CCSER1: variants seen among roughly 807,000 people sequenced by gnomAD.
CCSER1 encodes coiled-coil serine rich protein 1, also known as serine-rich coiled-coil domain-containing protein 1.
A neutral mutation model predicts 82.0 loss-of-function variants in CCSER1; 41 were observed. That is an observed-to-expected ratio of 0.50 (90% CI 0.39 to 0.65). CCSER1 has a LOEUF of 0.65. CCSER1 is among the 30% of genes least tolerant of loss of function. CCSER1 has a pLI of 0.00. For missense variants in CCSER1, 1,119 were observed against 1,064.2 expected, an observed-to-expected ratio of 1.05 and a Z score of -0.72; for synonymous variants, 414 against 383.9, an observed-to-expected ratio of 1.08 and a Z score of -0.92.
At chr4:90,623,768 A>G (rs569237085) in intron 5 of CCSER1, among the ~76,000 whole-genome samples, 56 of 152,234 alleles carry the variant, frequency 3.7e-4, no homozygotes, top group Admixed American at 1.4e-3. Context: ...ACACTCTCAG[A>G]CAGACAATAT....
chr4:90,543,661 T>C (rs1195514449), intron 5 of CCSER1, among the ~76,000 whole-genome samples: 1 of 152,148 alleles, frequency 6.6e-6, no homozygotes, highest in Non-Finnish European at 1.5e-5. Context: ...TTATCAGGCA[T>C]AGAGTGAAAT....
chr4:91,054,173 A>C (rs1320651581), intron 9 of CCSER1, among the ~76,000 whole-genome samples: 2 of 152,040 alleles, frequency 1.3e-5, no homozygotes, highest in African/African-American at 4.8e-5. Flanking sequence ...TGCCAGCTAT[A>C]CTCTGCCACT....
At chr4:91,072,785 A>C (rs1721569084) in intron 9 of CCSER1, among the ~76,000 whole-genome samples, 1 of 152,130 alleles carries the variant, frequency 6.6e-6, no homozygotes, top group Non-Finnish European at 1.5e-5. Context: ...GGGGATTAGT[A>C]ATGGTAACAT....
chr4:91,064,259 A>G (rs900405340), intron 9 of CCSER1, among the ~76,000 whole-genome samples: 1 of 152,166 alleles, frequency 6.6e-6, no homozygotes, highest in African/African-American at 2.4e-5. Context: ...TTTCTCCCAT[A>G]TCATGAGTCC....
Position 91,296,483 on chromosome 4 carries a change from A to ATATATATATTTATT in CCSER1, c.2217+210492_2217+210493insATATATTTATTTAT, listed in dbSNP as rs1175690764. On this transcript the variant is annotated intron_variant, in intron 10 of 10. Coordinates refer to ENST00000509176, the MANE Select transcript of CCSER1 (RefSeq NM_001145065.2). ...TATATATATGTATATATATATATAT[A>ATATATATATTTATT]TATTTTAATTAAATATACAGTTATC... 8.7e-3 allele frequency among the ~76,000 whole-genome samples: 1,076 copies of ATATATATATTTATT among 123,750 alleles called. 68 individuals carry two copies. Among genetic ancestry groups the ATATATATATTTATT allele is most frequent in the African/African-American group, 0.026 (756 of 29,010 alleles). 81.2% of individuals were successfully genotyped at this position (123,750 alleles called of 152,430 possible).
intron 1 of CCSER1, among the ~76,000 whole-genome samples, chr4:90,170,880 G>C (rs896032310): frequency 5.9e-5 from 9 of 151,752 alleles, no homozygotes; most frequent in African/African-American, 1.9e-4. Context: ...TGAGTATGTA[G>C]CTAGCAGTGG....
At chr4:90,557,749 T>C (rs1778303171) in intron 5 of CCSER1, among the ~76,000 whole-genome samples, 1 of 152,108 alleles carries the variant, frequency 6.6e-6, no homozygotes, top group African/African-American at 2.4e-5. Context: ...TGTTTCTCAG[T>C]AAGGACTTCT....
intron 10 of CCSER1, among the ~76,000 whole-genome samples, chr4:91,410,408 C>T (rs1056321020): frequency 1.3e-5 from 2 of 152,032 alleles, no homozygotes; most frequent in Non-Finnish European, 2.9e-5. Context: ...GTTTGATCTA[C>T]TATGAAAATT....
chr4:91,299,018 TA>T (rs1296654891), intron 10 of CCSER1, among the ~76,000 whole-genome samples: 1 of 151,922 alleles, frequency 6.6e-6, no homozygotes, highest in Non-Finnish European at 1.5e-5. Context: ...ACCTACTAAA[TA>T]AAAAATGTTG....
chr4:91,205,211 A>G (rs182655559), intron 10 of CCSER1, among the ~76,000 whole-genome samples: 44 of 151,914 alleles, frequency 2.9e-4, no homozygotes, highest in Non-Finnish European at 3.1e-4. Context: ...TTTTTCTTCA[A>G]TATTAAATCA....
chr4:90,394,824 T>C lies in CCSER1; in HGVS notation c.1510-5212T>C, dbSNP rs186814430. ...AAAAATAAAAATTCTGTTTTATGGATTCATGGTGTACAACATGATTTTGAT... is the reference window on the plus strand; with the variant it reads ...AAAAATAAAAATTCTGTTTTATGGACTCATGGTGTACAACATGATTTTGAT... On this transcript the variant is annotated intron_variant, in intron 3 of 10. Transcript: ENST00000509176. Among the ~76,000 whole-genome samples the C allele has an allele frequency of 2.3e-3, 356 of 152,282 alleles. 2 individuals carry two copies. The highest frequency in any genetic ancestry group is 0.014 in the South Asian group (67 of 4,828).
chr4:90,785,726 A>T lies in CCSER1; in HGVS notation c.2011-30036A>T, dbSNP rs570292337. ...ATTTGTATGTTTTAATAAGTTGTCA[A>T]TTTTTTTTTACAATGTTAACATTTT... On this transcript the variant is annotated intron_variant, in intron 7 of 10. Transcript: ENST00000509176. Among the ~76,000 whole-genome samples the T allele has an allele frequency of 3.0e-3, 453 of 151,554 alleles. 2 individuals carry two copies. The highest frequency in any genetic ancestry group is 0.024 in the South Asian group (113 of 4,796).
intron 6 of CCSER1, among the ~76,000 whole-genome samples, chr4:90,658,240 A>G (rs543527260): frequency 1.3e-5 from 2 of 152,278 alleles, no homozygotes; most frequent in African/African-American, 4.8e-5. Flanking sequence ...ATGTTTAATT[A>G]AATAATAGGA....
chr4:91,413,043 A>G (rs936434856), intron 10 of CCSER1, among the ~76,000 whole-genome samples: 1 of 152,172 alleles, frequency 6.6e-6, no homozygotes, highest in Non-Finnish European at 1.5e-5. Context: ...ATAAAAAAAG[A>G]AACCCAAACA....
intron 9 of CCSER1, among the ~76,000 whole-genome samples, chr4:90,952,817 C>T (rs1235135447): frequency 6.6e-6 from 1 of 151,966 alleles, no homozygotes; most frequent in Non-Finnish European, 1.5e-5. Flanking sequence ...GACTGTTTTT[C>T]CAGGTGCTTC....
At chr4:91,258,888 G>A (rs1740897218) in intron 10 of CCSER1, among the ~76,000 whole-genome samples, 1 of 151,958 alleles carries the variant, frequency 6.6e-6, no homozygotes, top group Non-Finnish European at 1.5e-5. Context: ...ACTGAAGGTG[G>A]GGCCAGAAAA....
chr4:90,636,422 T>C lies in CCSER1; in HGVS notation c.1932+8190T>C, dbSNP rs116232575. Among the ~76,000 whole-genome samples, 302 of 152,026 alleles carry C rather than the reference T, an allele frequency of 2.0e-3. 3 individuals are homozygous for C. Among genetic ancestry groups the C allele is most frequent in the African/African-American group, 7.0e-3 (291 of 41,516 alleles). On this transcript the variant is annotated intron_variant, in intron 6 of 10. Transcript: ENST00000509176. ...TATTAAAAAAAATTGGCAAAAATCC[T>C]TATAGGAAAAAGGAAATTACAGAAT... is the stretch of plus-strand genomic sequence containing the variant.
Position 91,604,205 on chromosome 4 carries a change from C to A in CCSER1, c.*5148C>A, listed in dbSNP as rs1372681920. The A allele has an allele frequency of 6.6e-6, 1 of 152,064 alleles. No homozygotes were observed. Among genetic ancestry groups the A allele is most frequent in the Admixed American group, 6.6e-5 (1 of 15,232 alleles). The allele number at this position is 152,064 out of a possible 1,614,324, so 9.4% of individuals were successfully genotyped here. Reference sequence around the variant, plus strand: ...TAAATTGGATTTAATAACCCTTGAACTTTCCATTTATATCATGCTTATCTC... The same window carrying A: ...TAAATTGGATTTAATAACCCTTGAAATTTCCATTTATATCATGCTTATCTC... On this transcript the variant is annotated 3_prime_UTR_variant, in exon 11 of 11. Coordinates refer to ENST00000509176, the MANE Select transcript of CCSER1 (RefSeq NM_001145065.2).
chr4:90,620,189 A>G (rs1462965252), intron 5 of CCSER1, among the ~76,000 whole-genome samples: 1 of 152,156 alleles, frequency 6.6e-6, no homozygotes, highest in Non-Finnish European at 1.5e-5. Flanking sequence ...TAAGACTGTA[A>G]CTTAATAATA....
Sources: allele counts gnomAD v4.1 joint callset (sites outside exome capture counted in the v4.1 genomes callset), GRCh38; gene constraint gnomAD v4.1.1; transcripts MANE v1.5; gene names NCBI Gene and HGNC (gene_info 2026-07-23, HGNC 2026-07-21).